The following SDK2 variants were observed in gnomAD, a reference collection of about 807,000 sequenced individuals.
SDK2 encodes the protein sidekick cell adhesion molecule 2, also known as protein sidekick-2.
A neutral mutation model predicts 253.9 loss-of-function variants in SDK2; 105 were observed. The observed-to-expected ratio is 0.41, with a 90% CI of 0.35 to 0.49. The LOEUF is 0.49. SDK2 is among the 20% of genes least tolerant of loss of function. The pLI, the probability that SDK2 is intolerant of heterozygous loss-of-function variation, is 0.06. For synonymous variants in SDK2, 1,249 were observed against 1,234.9 expected, an observed-to-expected ratio of 1.01 and a Z score of -0.24; for missense variants, 2,608 against 3,003.0, an observed-to-expected ratio of 0.87 and a Z score of 3.07.
intron 1 of SDK2, among the ~76,000 whole-genome samples, chr17:73,576,869 G>A (rs537340214): frequency 4.0e-4 from 61 of 152,272 alleles, no homozygotes; most frequent in African/African-American, 1.2e-3. Context: ...CCCTATTAGC[G>A]TCCAAAGCAT....
intron 1 of SDK2, among the ~76,000 whole-genome samples, chr17:73,550,899 C>T (rs780916504): frequency 2.6e-5 from 4 of 152,138 alleles, no homozygotes; most frequent in Admixed American, 1.3e-4. Context: ...ATGAGCCAAA[C>T]GCAGCTGCTC....
At chr17:73,514,321 C>T (rs1366852247) in intron 1 of SDK2, among the ~76,000 whole-genome samples, 1 of 152,152 alleles carries the variant, frequency 6.6e-6, no homozygotes, top group African/African-American at 2.4e-5. Flanking sequence ...TCGCTGACTG[C>T]CATCTTCCCT....
At chr17:73,596,671 T>G (rs1029173917) in intron 1 of SDK2, among the ~76,000 whole-genome samples, 1 of 151,652 alleles carries the variant, frequency 6.6e-6, no homozygotes, top group Non-Finnish European at 1.5e-5. Flanking sequence ...AGAAGGGAGA[T>G]GAGGAGGAGC....
At chr17:73,622,124 T>C (rs921258320) in intron 1 of SDK2, among the ~76,000 whole-genome samples, 1 of 152,224 alleles carries the variant, frequency 6.6e-6, no homozygotes, top group South Asian at 2.1e-4. Context: ...CCTACCATAG[T>C]GTATGGGGAA....
intron 1 of SDK2, among the ~76,000 whole-genome samples, chr17:73,516,263 A>G (rs9907366): frequency 0.071 from 10,823 of 152,220 alleles, 764 homozygotes; most frequent in African/African-American, 0.18. Flanking sequence ...GTCCCACAAC[A>G]TTGGTCAAAC....
chr17:73,502,267 C>T (rs1340080133), intron 2 of SDK2, among the ~76,000 whole-genome samples: 3 of 152,174 alleles, frequency 2.0e-5, no homozygotes, highest in African/African-American at 7.2e-5. Context: ...TAGCCATTTT[C>T]CTGCCTGAAA....
At chr17:73,574,057 A>C (rs1050617986) in intron 1 of SDK2, among the ~76,000 whole-genome samples, 1 of 152,140 alleles carries the variant, frequency 6.6e-6, no homozygotes, top group African/African-American at 2.4e-5. Context: ...TACCGCTCAC[A>C]TCTATGCGCT....
At chr17:73,603,765 C>T (rs1012395017) in intron 1 of SDK2, among the ~76,000 whole-genome samples, 3 of 152,244 alleles carry the variant, frequency 2.0e-5, no homozygotes, top group African/African-American at 7.2e-5. Flanking sequence ...AGGGGTCACA[C>T]AGCTTGTGGG....
intron 1 of SDK2, among the ~76,000 whole-genome samples, chr17:73,532,716 G>T (rs531800377): frequency 1.1e-4 from 17 of 152,276 alleles, no homozygotes; most frequent in Non-Finnish European, 1.9e-4. Flanking sequence ...CAAGGAAACG[G>T]GGGGGCTGGA....
chr17:73,573,050 G>A (rs1158718782), intron 1 of SDK2, among the ~76,000 whole-genome samples: 2 of 152,160 alleles, frequency 1.3e-5, no homozygotes, highest in South Asian at 2.1e-4. Flanking sequence ...CTGCCCCATG[G>A]CCCTGCTACT....
At chr17:73,405,758 C>T (rs1217927279) in intron 18 of SDK2, among the ~76,000 whole-genome samples, 14 of 148,228 alleles carry the variant, frequency 9.4e-5, no homozygotes, top group East Asian at 2.0e-4. Context: ...CTCGCTCTGT[C>T]GCCCAGGCTG....
rs1225794036 is a variant in SDK2 at position 73,541,485 on chromosome 17, G to A, written c.65-33888C>T. Among the ~76,000 whole-genome samples the A allele has an allele frequency of 1.3e-5, 2 of 151,950 alleles. No individual in the cohort carries two copies. The highest frequency in any genetic ancestry group is 3.9e-4 in the East Asian group (2 of 5,176). ...ACATCCTCACCTCTATCTTAGCAGG[G>A]CAATACCGCACCACCCCCATTTCAC... On this transcript the variant is annotated intron_variant, in intron 1 of 44. Transcript: ENST00000392650. This position sits in a 1 kb window ranked among gnomAD's most constrained non-coding sequence, Gnocchi z 4.3.
At chr17:73,446,186 TTCCATGAGAC>T (rs1391369213) in intron 5 of SDK2, among the ~76,000 whole-genome samples, 5 of 152,224 alleles carry the variant, frequency 3.3e-5, no homozygotes, top group Non-Finnish European at 1.5e-5. Context: ...AATGACGGGA[TTCCATGAGAC>T]TCCAGGGAAT....
chr17:73,433,814 G>A lies in SDK2; in HGVS notation c.1230C>T (p.Asp410=), dbSNP rs373738726. 20 of 1,593,654 alleles carry A rather than the reference G, an allele frequency of 1.3e-5. No individual in the cohort carries two copies. The highest frequency in any genetic ancestry group is 2.7e-5 in the African/African-American group (2 of 74,506). The change falls in exon 10 of 45, where the codon GAC becomes GAT. Residue 410 remains aspartate, a synonymous_variant. Transcript: ENST00000392650. ...IAPNITRGPL[D]STVIDGMSVV... ...CTGACATGCCATCGATCACCGTGCT[G>A]TCCAGGGGGCCTCTGGTGATGTTAG...
In SDK2 at chr17:73,423,099, CATAA is replaced by C. The variant is rs202118046; in HGVS notation, c.1897+283_1897+286del. Among the ~76,000 whole-genome samples, 653 of 152,240 alleles carry C rather than the reference CATAA, an allele frequency of 4.3e-3. 5 individuals are homozygous for C. Among genetic ancestry groups the C allele is most frequent in the African/African-American group, 0.014 (585 of 41,560 alleles). On this transcript the variant is annotated intron_variant, in intron 14 of 44. Transcript: ENST00000392650. Reference sequence around the variant, plus strand: ...GCCTGCTCATTTGACTTGGGGAATACATAAATAAATAAATAATAAATAAATACTG... The same window carrying C: ...GCCTGCTCATTTGACTTGGGGAATACATAAATAAATAATAAATAAATACTG...
intron 8 of SDK2, among the ~76,000 whole-genome samples, chr17:73,437,188 CTCTT>C (rs934560273): frequency 2.6e-5 from 4 of 152,196 alleles, no homozygotes; most frequent in African/African-American, 7.2e-5. Flanking sequence ...ACGCTCTTCT[CTCTT>C]TATCATCCCG....
chr17:73,339,906 T>C (rs1200677707), intron 44 of SDK2, among the ~76,000 whole-genome samples: 1 of 150,656 alleles, frequency 6.6e-6, no homozygotes, highest in Non-Finnish European at 1.5e-5. Flanking sequence ...AGTTTCACTC[T>C]TGTTGCCCAG....
intron 1 of SDK2, among the ~76,000 whole-genome samples, chr17:73,553,942 G>A (rs550888371): frequency 1.3e-5 from 2 of 152,292 alleles, no homozygotes; most frequent in South Asian, 2.1e-4. Context: ...TCCCCCTGAA[G>A]CCCTGGCTTC....
chr17:73,468,111 T>C (rs1350822519), intron 3 of SDK2, among the ~76,000 whole-genome samples: 2 of 152,106 alleles, frequency 1.3e-5, no homozygotes, highest in Non-Finnish European at 2.9e-5. Context: ...GGAATCCTAC[T>C]GTGAGAGGTA....
Sources: gnomAD v4.1 joint callset for allele counts (sites outside exome capture counted in the v4.1 genomes callset) on GRCh38, gnomAD v4.1.1 for gene constraint, Gnocchi (gnomAD v3.1) non-coding constraint, MANE v1.5 for transcripts, NCBI Gene and HGNC (gene_info 2026-07-23, HGNC 2026-07-21) for gene names.